CCSER1: variants seen among roughly 807,000 people sequenced by gnomAD.
The protein encoded by CCSER1 is coiled-coil serine rich protein 1, also known as serine-rich coiled-coil domain-containing protein 1.
A neutral mutation model predicts 82.0 loss-of-function variants in CCSER1; 41 were observed. That is an observed-to-expected ratio of 0.50 (90% CI 0.39 to 0.65). The LOEUF (loss-of-function observed/expected upper bound fraction) is 0.65. Ranked by LOEUF, CCSER1 falls within the 30% of genes least tolerant of loss-of-function variation. The probability of loss-of-function intolerance (pLI) is 0.00; values close to 1 mark genes in which losing one functional copy is unlikely to be tolerated. For missense variants in CCSER1, 1,119 were observed against 1,064.2 expected (o/e 1.05, Z -0.72); for synonymous variants, 414 against 383.9 (o/e 1.08, Z -0.92).
In CCSER1 at chr4:90,514,216, T is replaced by TG. The variant is rs139948065; in HGVS notation, c.1724+45862_1724+45863insG. On this transcript the variant is annotated intron_variant, in intron 5 of 10. Transcript: ENST00000509176. ...ACTCTTGAATTTGACGAGATTAAGC[T>TG]CTGGATGAATGATTACTAAAATGAC... 7.5e-3 allele frequency among the ~76,000 whole-genome samples: 1,146 copies of TG among 152,280 alleles called. 5 individuals carry two copies. Among genetic ancestry groups the TG allele is most frequent in the African/African-American group, 0.019 (776 of 41,530 alleles).
intron 2 of CCSER1, among the ~76,000 whole-genome samples, chr4:90,311,601 A>G (rs531709607): frequency 6.6e-6 from 1 of 152,230 alleles, no homozygotes; most frequent in South Asian, 2.1e-4. Context: ...ATAGACACTA[A>G]CTTTCATAAT....
Position 91,598,578 on chromosome 4 carries a change from T to C in CCSER1, c.2224T>C (p.Tyr742His). ...TTTCTGTGTCTTACCATAGGCTACA[T>C]ATCGAAATCGAATTGTGAGCCAAAA... ...ETVQGGREAT[Y>H]RNRIVSQNLS... The change falls in exon 11 of 11, where the codon TAT becomes CAT. Residue 742 changes from tyrosine to histidine, a missense_variant. Physicochemically the swap from Tyr to His is moderately conservative, Grantham distance 83. Transcript: ENST00000509176. 6.5e-7 allele frequency: 1 copy of C among 1,548,210 alleles called. No homozygotes were observed. Among genetic ancestry groups the C allele is most frequent in the Non-Finnish European group, 8.7e-7 (1 of 1,144,640 alleles).
chr4:90,539,109 G>T (rs1421912613), intron 5 of CCSER1, among the ~76,000 whole-genome samples: 4 of 151,854 alleles, frequency 2.6e-5, no homozygotes, highest in African/African-American at 9.7e-5. Context: ...AATTATAAAG[G>T]TACGTAAACT....
At chr4:90,662,637 T>G (rs1430679552) in intron 6 of CCSER1, among the ~76,000 whole-genome samples, 1 of 150,536 alleles carries the variant, frequency 6.6e-6, no homozygotes, top group Non-Finnish European at 1.5e-5. Flanking sequence ...TACAATATCT[T>G]AACTAAATTT....
intron 10 of CCSER1, among the ~76,000 whole-genome samples, chr4:91,445,646 A>C (rs199538358): frequency 2.0e-5 from 3 of 151,958 alleles, no homozygotes; most frequent in African/African-American, 7.2e-5. Context: ...ATTTGTTTTT[A>C]TCTCTCTATT....
At chr4:91,247,773 C>A (rs1283432092) in intron 10 of CCSER1, among the ~76,000 whole-genome samples, 6 of 152,098 alleles carry the variant, frequency 3.9e-5, no homozygotes, top group Non-Finnish European at 5.9e-5. Flanking sequence ...GGAGCTGAGA[C>A]AGGAGAATCA....
At chr4:91,151,461 C>G (rs1174276868) in intron 10 of CCSER1, among the ~76,000 whole-genome samples, 1 of 152,066 alleles carries the variant, frequency 6.6e-6, no homozygotes, top group Non-Finnish European at 1.5e-5. Context: ...TCTTGTGTCT[C>G]TATTTCCTTC....
intron 10 of CCSER1, among the ~76,000 whole-genome samples, chr4:91,119,311 C>A (rs1346320654): frequency 6.6e-6 from 1 of 151,774 alleles, no homozygotes; most frequent in African/African-American, 2.4e-5. Context: ...TACTATTAAG[C>A]CTAAAATGAA....
rs1360170519 is a variant in CCSER1 at position 90,949,663 on chromosome 4, A to G, written c.2172+26216A>G. Among the ~76,000 whole-genome samples the G allele has an allele frequency of 2.0e-5, 3 of 152,290 alleles. No individual in the cohort carries two copies. In the East Asian group the frequency reaches 5.8e-4, roughly 29 times the overall value. On this transcript the variant is annotated intron_variant, in intron 9 of 10. Coordinates refer to ENST00000509176, the MANE Select transcript of CCSER1 (RefSeq NM_001145065.2). ...CATTTGACAAACTATGTACTGAGCA[A>G]CTGTTTTGTGCCAGGTATTTCTGTT...
chr4:90,543,695 C>G (rs149625665), intron 5 of CCSER1, among the ~76,000 whole-genome samples: 1 of 152,228 alleles, frequency 6.6e-6, no homozygotes, highest in African/African-American at 2.4e-5. Flanking sequence ...ACAAGAATGT[C>G]TGATATTATG....
At chr4:90,640,906 G>C (rs920284730) in intron 6 of CCSER1, among the ~76,000 whole-genome samples, 1 of 151,998 alleles carries the variant, frequency 6.6e-6, no homozygotes, top group African/African-American at 2.4e-5. Flanking sequence ...GTCCTGGGCA[G>C]TTCTTTATAG....
chr4:90,721,075 A>T (rs1295503984), intron 6 of CCSER1, among the ~76,000 whole-genome samples: 4 of 151,956 alleles, frequency 2.6e-5, no homozygotes, highest in Non-Finnish European at 5.9e-5. Flanking sequence ...AATATTTATA[A>T]TATGCTCAGT....
At chr4:91,533,002 ATCAT>A (rs1761113041) in intron 10 of CCSER1, among the ~76,000 whole-genome samples, 1 of 152,134 alleles carries the variant, frequency 6.6e-6, no homozygotes, top group East Asian at 1.9e-4. Flanking sequence ...TTGATTTTTC[ATCAT>A]TCATTCACTG....
intron 1 of CCSER1, among the ~76,000 whole-genome samples, chr4:90,243,536 T>G (rs7657522): frequency 1.3e-5 from 2 of 151,578 alleles, no homozygotes; most frequent in African/African-American, 4.9e-5. Context: ...TGTGAGCCAC[T>G]GCTCCCGGCC....
At chr4:91,534,928 A>C (rs1267115697) in intron 10 of CCSER1, among the ~76,000 whole-genome samples, 1 of 151,824 alleles carries the variant, frequency 6.6e-6, no homozygotes, top group African/African-American at 2.4e-5. Context: ...GTCCATATAG[A>C]TCAATACTAT....
intron 10 of CCSER1, among the ~76,000 whole-genome samples, chr4:91,469,696 T>G: frequency 6.6e-6 from 1 of 152,224 alleles, no homozygotes; most frequent in East Asian, 1.9e-4. Context: ...ATGAAGTGGC[T>G]CAACCATAAT....
At chr4:91,401,610 C>T (rs767763191) in intron 10 of CCSER1, among the ~76,000 whole-genome samples, 3 of 151,938 alleles carry the variant, frequency 2.0e-5, no homozygotes, top group Non-Finnish European at 4.4e-5. Flanking sequence ...CAAGTGTTCT[C>T]ATTGTTCAAT....
chr4:91,271,998 T>C (rs1742073188), intron 10 of CCSER1, among the ~76,000 whole-genome samples: 1 of 152,110 alleles, frequency 6.6e-6, no homozygotes, highest in African/African-American at 2.4e-5. Context: ...ACAGTTTCTT[T>C]ATCTACACAT....
intron 1 of CCSER1, among the ~76,000 whole-genome samples, chr4:90,189,125 T>C (rs1735157853): frequency 6.6e-6 from 1 of 152,022 alleles, no homozygotes; most frequent in Non-Finnish European, 1.5e-5. Context: ...TTAAACTCTT[T>C]GACTGCGTTT....
Sources: allele counts gnomAD v4.1 joint callset (sites outside exome capture counted in the v4.1 genomes callset), GRCh38; gene constraint gnomAD v4.1.1; transcripts MANE v1.5; gene names NCBI Gene and HGNC (gene_info 2026-07-23, HGNC 2026-07-21).